Variants in DNAH11 observed in about 807,000 individuals in gnomAD.
DNAH11 encodes the protein axonemal beta dynein heavy chain 11.
In DNAH11, 442 loss-of-function variants were observed where a neutral mutation model predicts 526.0. The observed-to-expected ratio is 0.84, with a 90% confidence interval of 0.78 to 0.91. DNAH11 has a LOEUF of 0.91. DNAH11 is among the 40% of genes least tolerant of loss of function. DNAH11 has a pLI of 0.00. For synonymous variants in DNAH11, 2,461 were observed against 1,935.9 expected, an observed-to-expected ratio of 1.27 and a Z score of -7.12; for missense variants, 6,989 against 5,448.7, an observed-to-expected ratio of 1.28 and a Z score of -8.90.
chr7:21,860,556 G>A (rs1260150836), intron 68 of DNAH11, among the ~76,000 whole-genome samples: 2 of 152,216 alleles, frequency 1.3e-5, no homozygotes, highest in Admixed American at 6.5e-5. Flanking sequence ...ATGTCCGTCA[G>A]TGGATGAATA....
chr7:21,740,305 C>T (rs933196232), intron 48 of DNAH11, among the ~76,000 whole-genome samples: 5 of 152,100 alleles, frequency 3.3e-5, no homozygotes, highest in African/African-American at 1.2e-4. Flanking sequence ...TAATGTTGGG[C>T]AGCCAAGATC....
chr7:21,822,091 C>G (rs919624146), intron 65 of DNAH11, among the ~76,000 whole-genome samples: 1 of 152,086 alleles, frequency 6.6e-6, no homozygotes, highest in African/African-American at 2.4e-5. Context: ...ACCACAATTT[C>G]TTTACCCATT....
chr7:21,766,277 G>A (rs1019661763), intron 55 of DNAH11, among the ~76,000 whole-genome samples: 1 of 152,114 alleles, frequency 6.6e-6, no homozygotes, highest in Non-Finnish European at 1.5e-5. Context: ...GTAGATATGA[G>A]GTTATGATTT....
intron 17 of DNAH11, 29 bp from the exon 18 acceptor site, chr7:21,601,367 G>A (rs772391393): frequency 5.7e-6 from 9 of 1,572,790 alleles, no homozygotes; most frequent in Non-Finnish European, 5.2e-6. Flanking sequence ...CTTAATTTGT[G>A]TGTATCTATG....
In DNAH11 at chr7:21,901,557, A is replaced by G. The variant is rs1562615761; in HGVS notation, c.*303A>G. 2 of 221,414 alleles carry G rather than the reference A, an allele frequency of 9.0e-6. No homozygotes were observed. Among genetic ancestry groups the G allele is most frequent in the Admixed American group, 5.7e-5 (1 of 17,456 alleles). 13.7% of individuals were successfully genotyped at this position (221,414 alleles called of 1,614,324 possible). A position where few individuals can be genotyped will look rare whatever the true frequency, so the allele number is the denominator to read the frequency against. ...GCACTCCCTCCTGGGCAACAGAACA[A>G]GACTCCATCTCAAAAAAAAAAAAGT... On this transcript the variant is annotated 3_prime_UTR_variant, in exon 82 of 82. Transcript: ENST00000409508.
intron 55 of DNAH11, among the ~76,000 whole-genome samples, chr7:21,772,773 A>T (rs984095300): frequency 2.0e-5 from 3 of 152,180 alleles, no homozygotes; most frequent in Non-Finnish European, 2.9e-5. Flanking sequence ...ATTTGTCGTG[A>T]TGTTGGAAAG....
intron 30 of DNAH11, among the ~76,000 whole-genome samples, chr7:21,671,723 A>G (rs1430885912): frequency 6.6e-6 from 1 of 151,898 alleles, no homozygotes; most frequent in East Asian, 1.9e-4. Flanking sequence ...CTCTTTTTCA[A>G]GTTTCTTACA....
At chr7:21,771,862 A>T (rs767277111) in intron 55 of DNAH11, among the ~76,000 whole-genome samples, 4 of 151,890 alleles carry the variant, frequency 2.6e-5, no homozygotes, top group Admixed American at 1.3e-4. Context: ...AAAAAAAAAT[A>T]ATAAAATAAA....
chr7:21,641,313 C>T (rs752041954), intron 28 of DNAH11, among the ~76,000 whole-genome samples: 3 of 152,302 alleles, frequency 2.0e-5, no homozygotes, highest in South Asian at 2.1e-4. Flanking sequence ...ATGGCCTCCC[C>T]GTCGTGGCTG....
intron 30 of DNAH11, among the ~76,000 whole-genome samples, chr7:21,663,296 A>T (rs544430898): frequency 6.6e-6 from 1 of 152,188 alleles, no homozygotes; most frequent in South Asian, 2.1e-4. Context: ...AGGGGTAGAG[A>T]TATCTTTCTG....
chr7:21,844,840 G>T (rs1221316664), intron 66 of DNAH11, among the ~76,000 whole-genome samples: 1 of 152,170 alleles, frequency 6.6e-6, no homozygotes, highest in African/African-American at 2.4e-5. Flanking sequence ...TGCCATGTAG[G>T]CAAAGACAGC....
intron 30 of DNAH11, among the ~76,000 whole-genome samples, chr7:21,663,954 T>A (rs1384352736): frequency 1.3e-5 from 2 of 152,152 alleles, no homozygotes; most frequent in African/African-American, 4.8e-5. Flanking sequence ...TTAGTCAGAT[T>A]GCTGGATCAT....
At chr7:21,778,840 G>A in intron 56 of DNAH11, 118 bp from the exon 57 acceptor site, 1 of 1,260,240 alleles carries the variant, frequency 7.9e-7, no homozygotes, top group East Asian at 2.5e-5. Context: ...AATCAGGGTA[G>A]AGACAGATGC....
At chr7:21,708,208 A>G (rs1458308449) in intron 40 of DNAH11, among the ~76,000 whole-genome samples, 2 of 152,216 alleles carry the variant, frequency 1.3e-5, no homozygotes, top group Admixed American at 6.5e-5. Flanking sequence ...TCAGTAGGGC[A>G]TGTTGCCTGC....
intron 68 of DNAH11, among the ~76,000 whole-genome samples, chr7:21,861,635 G>A (rs984891577): frequency 7.2e-5 from 11 of 152,212 alleles, no homozygotes; most frequent in Admixed American, 3.3e-4. Context: ...CTTGGAAGGA[G>A]ATTGAATGGA....
chr7:21,704,303 C>G, intron 37 of DNAH11, 131 bp from the exon 38 acceptor site: 1 of 877,856 alleles, frequency 1.1e-6, no homozygotes, highest in Non-Finnish European at 1.7e-6. Flanking sequence ...TGATAGAATG[C>G]CATCTTAATG....
chr7:21,612,338 A>C (rs1000992232), intron 20 of DNAH11, among the ~76,000 whole-genome samples: 4 of 151,984 alleles, frequency 2.6e-5, no homozygotes, highest in African/African-American at 7.2e-5. Flanking sequence ...GGCAGATCAC[A>C]AGGTCAGGAG....
At chr7:21,579,795 A>G (rs1199251035) in intron 8 of DNAH11, among the ~76,000 whole-genome samples, 1 of 152,218 alleles carries the variant, frequency 6.6e-6, no homozygotes, top group Non-Finnish European at 1.5e-5. Context: ...AAAAAAGATT[A>G]TTTAGTCAGC....
chr7:21,609,097 G>C (rs1299445448), intron 20 of DNAH11, among the ~76,000 whole-genome samples: 1 of 152,184 alleles, frequency 6.6e-6, no homozygotes. Flanking sequence ...CCTTTAAAAT[G>C]AGGTTCCCTG....
Sources: allele counts gnomAD v4.1 joint callset (sites outside exome capture counted in the v4.1 genomes callset), GRCh38; gene constraint gnomAD v4.1.1; transcripts MANE v1.5; gene names NCBI Gene and HGNC (gene_info 2026-07-23, HGNC 2026-07-21).